The following COL21A1 variants were observed in gnomAD, a reference collection of about 807,000 sequenced individuals.
COL21A1 encodes the protein collagen alpha-1(XXI) chain.
Under a neutral mutation model 137.9 loss-of-function variants are expected in COL21A1, and 149 were observed. The ratio of observed to expected loss-of-function variants is 1.08; its 90% confidence interval spans 0.95 to 1.24. The LOEUF is 1.24. Ranked by LOEUF, COL21A1 falls within the 50% of genes most tolerant of loss-of-function variation. The pLI, the probability that COL21A1 is intolerant of heterozygous loss-of-function variation, is 0.00. For missense variants in COL21A1, 1,167 were observed against 1,158.4 expected, an observed-to-expected ratio of 1.01 and a Z score of -0.11; for synonymous variants, 456 against 391.5, an observed-to-expected ratio of 1.16 and a Z score of -1.95.
chr6:56,290,553 G>A (rs962744840), intron 1 of COL21A1, among the ~76,000 whole-genome samples: 1 of 142,786 alleles, frequency 7.0e-6, no homozygotes, highest in African/African-American at 2.7e-5. Flanking sequence ...AGGTTAGAGT[G>A]CAGTGGCATG....
At chr6:56,188,737 A>G (rs1406381261) in intron 1 of COL21A1, among the ~76,000 whole-genome samples, 1 of 152,176 alleles carries the variant, frequency 6.6e-6, no homozygotes, top group Non-Finnish European at 1.5e-5. Context: ...TCTGGCTGGC[A>G]TCTGGCAGGT....
chr6:56,102,710 T>G (rs758722272), intron 16 of COL21A1, among the ~76,000 whole-genome samples: 1 of 152,106 alleles, frequency 6.6e-6, no homozygotes, highest in Non-Finnish European at 1.5e-5. Flanking sequence ...AGAAAAAAAT[T>G]CAACCATATC....
At chr6:56,147,924 A>G (rs980442580) in intron 10 of COL21A1, among the ~76,000 whole-genome samples, 1 of 152,028 alleles carries the variant, frequency 6.6e-6, no homozygotes, top group African/African-American at 2.4e-5. Flanking sequence ...TCATTCTTGA[A>G]TATCTGAAAA....
intron 23 of COL21A1, among the ~76,000 whole-genome samples, chr6:56,065,268 A>G (rs965377575): frequency 6.6e-6 from 1 of 152,056 alleles, no homozygotes; most frequent in Non-Finnish European, 1.5e-5. Flanking sequence ...ACATACACCT[A>G]GATAAGGTAA....
At position 56,193,048 on chromosome 6, in the gene COL21A1, C is replaced by T. The variant is rs150157602; in HGVS notation, c.-38-10392G>A. The stretch of plus-strand genomic sequence containing the variant: ...AGATGAAGCTGGGAATCACCATTCT[C>T]GGCAAACTATTCCAAGAACAGAAAA... On this transcript the variant is annotated intron_variant, in intron 1 of 29. Coordinates refer to ENST00000244728, the MANE Select transcript of COL21A1 (RefSeq NM_030820.4). Among the ~76,000 whole-genome samples, 970 of 152,226 alleles carry T rather than the reference C, an allele frequency of 6.4e-3. 12 individuals are homozygous for T. The highest frequency in any genetic ancestry group is 0.02 in the Middle Eastern group (6 of 294).
intron 1 of COL21A1, among the ~76,000 whole-genome samples, chr6:56,205,057 CA>C (rs1312273621): frequency 4.6e-5 from 7 of 152,034 alleles, no homozygotes; most frequent in African/African-American, 1.7e-4. Flanking sequence ...CTGAAAATTC[CA>C]AAAACCAGAA....
At chr6:56,074,184 A>G in intron 20 of COL21A1, 48 bp downstream of exon 20, 2 of 1,325,278 alleles carry the variant, frequency 1.5e-6, no homozygotes, top group Admixed American at 2.3e-5. Context: ...ATAAATGGCC[A>G]CTGTGATTAT....
At chr6:56,306,045 G>C (rs186654614) in intron 1 of COL21A1, among the ~76,000 whole-genome samples, 2 of 34,962 alleles carry the variant, frequency 5.7e-5, no homozygotes, top group East Asian at 2.5e-3. Flanking sequence ...TTTTCTTTAA[G>C]AATGTTGAAT....
intron 1 of COL21A1, among the ~76,000 whole-genome samples, chr6:56,231,499 A>T (rs1280575282): frequency 2.6e-5 from 4 of 151,876 alleles, no homozygotes; most frequent in Non-Finnish European, 5.9e-5. Flanking sequence ...TTTGAGCAAG[A>T]AAACAAGCCT....
At chr6:56,337,177 C>T (rs945588089) in intron 1 of COL21A1, among the ~76,000 whole-genome samples, 5 of 152,086 alleles carry the variant, frequency 3.3e-5, no homozygotes, top group Admixed American at 3.3e-4. Flanking sequence ...ATGTTGGACA[C>T]CCCTATTTTT....
At chr6:56,066,420 T>C (rs1413807777) in intron 23 of COL21A1, among the ~76,000 whole-genome samples, 2 of 151,934 alleles carry the variant, frequency 1.3e-5, no homozygotes, top group Non-Finnish European at 2.9e-5. Context: ...TTCAGAATTC[T>C]ACATTTGTGG....
chr6:56,121,499 TATATTC>T lies in COL21A1; in HGVS notation c.1758+2557_1758+2562del, dbSNP rs1443459977. 5.5e-5 allele frequency among the ~76,000 whole-genome samples: 7 copies of T among 127,546 alleles called. No individual in the cohort carries two copies. In the South Asian group the frequency reaches 7.3e-4, roughly 13 times the overall value. 83.7% of individuals were successfully genotyped at this position (127,546 alleles called of 152,430 possible). A position where few individuals can be genotyped will look rare whatever the true frequency, so the allele number is the denominator to read the frequency against. On this transcript the variant is annotated intron_variant, in intron 16 of 29. Transcript: ENST00000244728. Reference sequence around the variant, plus strand: ...ATATATATACATATACATATATATGTATATTCATATGTGTATATATATATACATATA... The same window carrying T: ...ATATATATACATATACATATATATGTATATGTGTATATATATATACATATA...
intron 1 of COL21A1, among the ~76,000 whole-genome samples, chr6:56,325,104 C>A (rs1001570474): frequency 6.7e-6 from 1 of 148,920 alleles, no homozygotes; most frequent in Non-Finnish European, 1.5e-5. Context: ...CTCAGGTTCA[C>A]CTGTTTCTCA....
chr6:56,114,561 C>A (rs1346864991), intron 16 of COL21A1, among the ~76,000 whole-genome samples: 4 of 152,064 alleles, frequency 2.6e-5, no homozygotes, highest in African/African-American at 9.7e-5. Context: ...AACCAAAAAA[C>A]ACATGAAAAA....
chr6:56,310,328 G>C (rs12212919), intron 1 of COL21A1, among the ~76,000 whole-genome samples: 1 of 152,100 alleles, frequency 6.6e-6, no homozygotes, highest in Non-Finnish European at 1.5e-5. Context: ...AACACCAGCC[G>C]CACATTGGAA....
At chr6:56,138,610 C>T (rs1774178303) in intron 12 of COL21A1, among the ~76,000 whole-genome samples, 1 of 151,988 alleles carries the variant, frequency 6.6e-6, no homozygotes, top group Non-Finnish European at 1.5e-5. Flanking sequence ...TAGAGACATA[C>T]AGCAAGACAA....
At chr6:56,290,409 C>T (rs556421905) in intron 1 of COL21A1, among the ~76,000 whole-genome samples, 1 of 151,846 alleles carries the variant, frequency 6.6e-6, no homozygotes, top group Non-Finnish European at 1.5e-5. Context: ...CAAGTGTCCC[C>T]TCAGGAGGAC....
chr6:56,222,314 A>G (rs1345352858), intron 1 of COL21A1, among the ~76,000 whole-genome samples: 2 of 152,028 alleles, frequency 1.3e-5, no homozygotes, highest in African/African-American at 4.8e-5. Context: ...ATTTTATTTT[A>G]GCTTTACAGG....
chr6:56,234,407 C>T (rs1199557963), intron 1 of COL21A1, among the ~76,000 whole-genome samples: 1 of 151,726 alleles, frequency 6.6e-6, no homozygotes, highest in Non-Finnish European at 1.5e-5. Context: ...ATATAAGATG[C>T]ACTTCCTAAG....
Sources: gnomAD v4.1 joint callset for allele counts (sites outside exome capture counted in the v4.1 genomes callset) on GRCh38, gnomAD v4.1.1 for gene constraint, MANE v1.5 for transcripts, NCBI Gene and HGNC (gene_info 2026-07-23, HGNC 2026-07-21) for gene names.